The following CES1 variants were observed in gnomAD, a reference collection of about 807,000 sequenced individuals.
CES1 encodes carboxylesterase 1, also known as liver carboxylesterase 1.
A neutral mutation model predicts 53.0 loss-of-function variants in CES1; 50 were observed. The observed-to-expected ratio is 0.94, with a 90% CI of 0.75 to 1.19. The LOEUF (loss-of-function observed/expected upper bound fraction) is 1.19. CES1 is among the 50% of genes most tolerant of loss of function. CES1 has a pLI of 0.00. For synonymous variants in CES1, 202 were observed against 210.1 expected, an observed-to-expected ratio of 0.96 and a Z score of 0.33; for missense variants, 534 against 538.0, an observed-to-expected ratio of 0.99 and a Z score of 0.07.
chr16:55,816,831 A>G, intron 8 of CES1, 93 bp downstream of exon 8: 2 of 1,428,246 alleles, frequency 1.4e-6, no homozygotes, highest in Non-Finnish European at 9.9e-7. Flanking sequence ...AGTTACTATA[A>G]TTACCCAAGA....
chr16:55,822,533 GT>G (rs1170257207), intron 4 of CES1, among the ~76,000 whole-genome samples: 4 of 152,176 alleles, frequency 2.6e-5, no homozygotes, highest in Admixed American at 2.6e-4. Flanking sequence ...GGGAGGGGCA[GT>G]GGGAGTCAAG....
intron 4 of CES1, among the ~76,000 whole-genome samples, chr16:55,821,939 C>T (rs1317101380): frequency 2.0e-5 from 3 of 152,180 alleles, no homozygotes; most frequent in Admixed American, 6.5e-5. Flanking sequence ...CATTTCAGAT[C>T]CCAATCAGGG....
At chr16:55,832,408 G>C (rs1440815953) in intron 1 of CES1, among the ~76,000 whole-genome samples, 2 of 152,220 alleles carry the variant, frequency 1.3e-5, no homozygotes, top group African/African-American at 4.8e-5. Flanking sequence ...TTTTTAAACA[G>C]CGCCTTTATT....
At chr16:55,815,628 G>A (rs1309117632) in intron 8 of CES1, among the ~76,000 whole-genome samples, 1 of 152,096 alleles carries the variant, frequency 6.6e-6, no homozygotes, top group African/African-American at 2.4e-5. Context: ...AGCAAATCCT[G>A]TCAGCTATTC....
chr16:55,819,957 C>A, intron 6 of CES1: 1 of 551,610 alleles, frequency 1.8e-6, no homozygotes, highest in Non-Finnish European at 3.3e-6. Flanking sequence ...TCCTGAATTT[C>A]CTTGTCTGCT....
chr16:55,815,081 T>C (rs1386874083), intron 8 of CES1, among the ~76,000 whole-genome samples: 1 of 152,218 alleles, frequency 6.6e-6, no homozygotes, highest in African/African-American at 2.4e-5. Flanking sequence ...AGTGAGAATT[T>C]CTAAACAGTG....
chr16:55,809,117 G>GAACTT (rs1273942414), intron 11 of CES1, among the ~76,000 whole-genome samples: 4 of 43,000 alleles, frequency 9.3e-5, no homozygotes, highest in Non-Finnish European at 2.1e-4. Context: ...AAAAAGCCCT[G>GAACTT]AACTTAAAGT....
chr16:55,813,027 C>A lies in CES1; in HGVS notation c.962G>T (p.Gly321Val). The A allele has an allele frequency of 6.2e-7, 1 of 1,613,950 alleles. No individual in the cohort carries two copies. Among genetic ancestry groups the A allele is most frequent in the Non-Finnish European group, 8.5e-7 (1 of 1,179,894 alleles). The change falls in exon 9 of 14, where the codon GGC becomes GTC. Residue 321 changes from glycine (G) to valine (V), a missense_variant. Coordinates refer to ENST00000360526, the MANE Select transcript of CES1 (RefSeq NM_001025195.2). ...GDPRESQPLL[G>V]TVIDGMLLLK... is the part of the protein sequence containing the mutation. ...CAGCAGCATCCCATCAATCACAGTG[C>A]CCAGAAGGGGTTGACTCTGGGGAGA...
intron 1 of CES1, among the ~76,000 whole-genome samples, chr16:55,831,164 A>AT (rs1337542693): frequency 6.6e-6 from 1 of 152,132 alleles, no homozygotes; most frequent in Non-Finnish European, 1.5e-5. Flanking sequence ...AGAAAAAAAA[A>AT]CAAAGGTCAA....
chr16:55,817,107 C>T (rs1445013623), intron 7 of CES1, 145 bp from the exon 8 acceptor site: 1 of 906,978 alleles, frequency 1.1e-6, no homozygotes, highest in Non-Finnish European at 1.9e-6. Context: ...TGCTCCATCT[C>T]CCTGAACATG....
chr16:55,821,034 G>A (rs28377464), intron 5 of CES1, among the ~76,000 whole-genome samples: 57 of 151,804 alleles, frequency 3.8e-4, no homozygotes, highest in African/African-American at 1.3e-3. Flanking sequence ...GAGAAGGGAT[G>A]TGAGTCCTTA....
rs1386037372 is a variant in CES1, at chr16:55,826,469, C to G, written c.261-174G>C. On this transcript the variant is annotated intron_variant, in intron 2 of 13. Coordinates refer to ENST00000360526, the MANE Select transcript of CES1 (RefSeq NM_001025195.2). ...GGGGCTTCAGGTGGGGGCGCTGGGACTCACTAAGGTCTCCTAAGACCAAGC... is the reference window on the plus strand; with the variant it reads ...GGGGCTTCAGGTGGGGGCGCTGGGAGTCACTAAGGTCTCCTAAGACCAAGC... 5.3e-5 allele frequency among the ~76,000 whole-genome samples: 8 copies of G among 152,298 alleles called. No individual in the cohort carries two copies. The South Asian group carries it at 1.5e-3, about 28-fold the overall frequency.
chr16:55,814,718 G>A (rs1396725774), intron 8 of CES1, among the ~76,000 whole-genome samples: 3 of 152,228 alleles, frequency 2.0e-5, no homozygotes, highest in Non-Finnish European at 2.9e-5. Flanking sequence ...AGATGGAACT[G>A]GACAATTCCT....
At chr16:55,826,337 C>A (rs777850346) in intron 2 of CES1, 42 bp from the exon 3 acceptor site, 8 of 1,613,120 alleles carry the variant, frequency 5.0e-6, no homozygotes, top group South Asian at 4.4e-5. Context: ...TCAGCCAGAT[C>A]TAAGCGAGGT....
intron 1 of CES1, among the ~76,000 whole-genome samples, chr16:55,831,903 T>C (rs2032695377): frequency 6.6e-6 from 1 of 151,636 alleles, no homozygotes; most frequent in South Asian, 2.1e-4. Flanking sequence ...TGGGGGTATT[T>C]CGAGGCCCCT....
intron 6 of CES1, chr16:55,820,161 C>T: frequency 1.7e-6 from 1 of 574,172 alleles, no homozygotes; most frequent in Non-Finnish European, 3.2e-6. Flanking sequence ...CTTGGCAAAT[C>T]CCTTCCAAGC....
At chr16:55,828,213 G>T in intron 2 of CES1, 1 of 197,132 alleles carries the variant, frequency 5.1e-6, no homozygotes, top group Non-Finnish European at 1.1e-5. Context: ...AGCTTGGCCA[G>T]GGTGAATGGA....
Position 55,833,079 on chromosome 16 carries a change from GGCCTGC to G in CES1, c.-30_-25del, listed in dbSNP as rs761448024. The G allele has an allele frequency of 4.6e-4, 710 of 1,546,640 alleles. 83 individuals are homozygous for G. Among genetic ancestry groups the G allele is most frequent in the Non-Finnish European group, 6.0e-4 (675 of 1,125,854 alleles). ...ATCGTGGAAGGGCGACAGTTCTCGGGGCCTGCGAGGTCTCTGTGCAGTTCAGAGGGA... is the reference window on the plus strand; with the variant it reads ...ATCGTGGAAGGGCGACAGTTCTCGGGGAGGTCTCTGTGCAGTTCAGAGGGA... On this transcript the variant is annotated 5_prime_UTR_variant, in exon 1 of 14. Transcript: ENST00000360526.
chr16:55,814,384 C>G lies in CES1; in HGVS notation c.946-1341G>C, dbSNP rs3893204. 3.3e-5 allele frequency among the ~76,000 whole-genome samples: 5 copies of G among 151,948 alleles called. No homozygotes were observed. The South Asian group carries it at 8.3e-4, about 25-fold the overall frequency. On this transcript the variant is annotated intron_variant, in intron 8 of 13. Coordinates refer to ENST00000360526, the MANE Select transcript of CES1 (RefSeq NM_001025195.2). ...TTTAGTCACAATGGTGTAGTTGCTA[C>G]GATAGAGCGTGGATGTTGCTAAGAT...
Sources: gnomAD v4.1 joint callset for allele counts (sites outside exome capture counted in the v4.1 genomes callset) on GRCh38, gnomAD v4.1.1 for gene constraint, MANE v1.5 for transcripts, NCBI Gene and HGNC (gene_info 2026-07-23, HGNC 2026-07-21) for gene names.